The following RCL1 variants were observed in gnomAD, a reference collection of about 807,000 sequenced individuals.
RCL1 encodes the protein RNA 3'-terminal phosphate cyclase-like protein.
A neutral mutation model predicts 42.4 loss-of-function variants in RCL1; 24 were observed. That is an observed-to-expected ratio of 0.57 (90% CI 0.41 to 0.80). The LOEUF (loss-of-function observed/expected upper bound fraction) is 0.80, where lower values mean the gene tolerates loss of function less well. Among genes scored for constraint, RCL1 ranks in the 30% least tolerant of loss-of-function variants. RCL1 has a pLI of 0.00. For missense variants in RCL1, 578 were observed against 467.9 expected (o/e 1.24, Z -2.17); for synonymous variants, 228 against 177.3 (o/e 1.29, Z -2.27).
chr9:4,849,168 AT>A (rs34569485), intron 7 of RCL1, among the ~76,000 whole-genome samples: 83,107 of 143,088 alleles, frequency 0.58, 23,920 homozygotes, highest in East Asian at 0.79. Context: ...GGAAAGTTTC[AT>A]TTTTTTTTTT....
intron 1 of RCL1, among the ~76,000 whole-genome samples, chr9:4,822,026 C>G (rs1816612244): frequency 6.6e-6 from 1 of 152,184 alleles, no homozygotes; most frequent in African/African-American, 2.4e-5. Flanking sequence ...GAAAGAATAG[C>G]TAGTGGAAAG....
chr9:4,821,323 C>T (rs968544413), intron 1 of RCL1, among the ~76,000 whole-genome samples: 2 of 152,086 alleles, frequency 1.3e-5, no homozygotes, highest in African/African-American at 2.4e-5. Flanking sequence ...CTGGTTTTGC[C>T]ACTTTCTGGT....
chr9:4,835,016 T>C (rs929443288), intron 5 of RCL1, among the ~76,000 whole-genome samples: 1 of 152,152 alleles, frequency 6.6e-6, no homozygotes, highest in Non-Finnish European at 1.5e-5. Flanking sequence ...GATTGCAAAG[T>C]AGAGCAAGAA....
chr9:4,830,577 C>T (rs1191091319), intron 3 of RCL1, among the ~76,000 whole-genome samples: 8 of 152,164 alleles, frequency 5.3e-5, no homozygotes, highest in Admixed American at 2.6e-4. Flanking sequence ...TTTGTTGGTG[C>T]CAACAAGCTG....
intron 2 of RCL1, among the ~76,000 whole-genome samples, chr9:4,824,818 A>T (rs1374571884): frequency 6.6e-6 from 1 of 152,232 alleles, no homozygotes; most frequent in African/African-American, 2.4e-5. Context: ...GCCAGCTATG[A>T]GTCCCTTAAT....
intron 1 of RCL1, among the ~76,000 whole-genome samples, chr9:4,812,852 A>G (rs950795355): frequency 6.6e-6 from 1 of 151,704 alleles, no homozygotes; most frequent in African/African-American, 2.4e-5. Flanking sequence ...GCGATTGCTT[A>G]TTGATTTCTT....
chr9:4,859,988 A>C (rs1474735823), intron 8 of RCL1, 137 bp from the exon 9 acceptor site: 1 of 569,948 alleles, frequency 1.8e-6, no homozygotes, highest in African/African-American at 1.9e-5. Context: ...AGTACTATTT[A>C]ATCAGATTCG....
chr9:4,799,091 C>CCCTTCCTCT (rs1842958800), intron 1 of RCL1, among the ~76,000 whole-genome samples: 1 of 124,084 alleles, frequency 8.1e-6, no homozygotes, highest in Non-Finnish European at 1.6e-5. Flanking sequence ...TCCTTCCCTC[C>CCCTTCCTCT]CCTTCCTCTC....
intron 8 of RCL1, among the ~76,000 whole-genome samples, chr9:4,856,140 C>T (rs548397313): frequency 2.6e-5 from 4 of 152,148 alleles, no homozygotes; most frequent in East Asian, 1.9e-4. Flanking sequence ...TCCAGGTTGC[C>T]GCCAGCTGGA....
chr9:4,848,463 GT>G (rs1328537793), intron 7 of RCL1, among the ~76,000 whole-genome samples: 3 of 152,204 alleles, frequency 2.0e-5, no homozygotes, highest in African/African-American at 7.2e-5. Context: ...GGCAGGGGCA[GT>G]TGTAGCCATA....
chr9:4,822,962 A>G (rs562755935), intron 1 of RCL1, among the ~76,000 whole-genome samples: 5 of 152,222 alleles, frequency 3.3e-5, no homozygotes, highest in Non-Finnish European at 7.3e-5. Context: ...CTGTACATTC[A>G]AACACCCTTT....
chr9:4,841,364 A>G lies in RCL1; in HGVS notation c.710+7A>G, dbSNP rs779306150. 142 of 1,607,698 alleles carry G rather than the reference A, an allele frequency of 8.8e-5. No individual in the cohort carries two copies. The highest frequency in any genetic ancestry group is 1.2e-4 in the Non-Finnish European group (141 of 1,174,618). ...AAGGAGTCAACTCTGGGAAGTAAGT[A>G]TCTGTGTTTTTGAAGTCTGTTTCTG... On this transcript the variant is annotated splice_region_variant and intron_variant, in intron 6 of 8. Coordinates refer to ENST00000381750, the MANE Select transcript of RCL1 (RefSeq NM_005772.5).
At chr9:4,843,045 A>G (rs868823935) in intron 6 of RCL1, among the ~76,000 whole-genome samples, 5 of 152,204 alleles carry the variant, frequency 3.3e-5, no homozygotes, top group Non-Finnish European at 7.3e-5. Flanking sequence ...CATGATGTAG[A>G]CTGTGGGCCA....
At chr9:4,821,483 G>C (rs1339036057) in intron 1 of RCL1, among the ~76,000 whole-genome samples, 1 of 152,120 alleles carries the variant, frequency 6.6e-6, no homozygotes, top group Non-Finnish European at 1.5e-5. Flanking sequence ...GCACAGACTG[G>C]GTAATTTATA....
At chr9:4,855,071 A>G (rs1236700918) in intron 8 of RCL1, among the ~76,000 whole-genome samples, 1 of 151,034 alleles carries the variant, frequency 6.6e-6, no homozygotes, top group Non-Finnish European at 1.5e-5. Flanking sequence ...AAAAAAAAAA[A>G]AATAGGAAAA....
intron 3 of RCL1, 132 bp downstream of exon 3, chr9:4,827,165 A>T: frequency 6.4e-7 from 1 of 1,552,158 alleles, no homozygotes; most frequent in Non-Finnish European, 8.7e-7. Context: ...TTACTTTGAG[A>T]TTTAGAGGTT....
chr9:4,793,079 G>C lies in RCL1; in HGVS notation c.-13G>C, dbSNP rs7020617. 1.2e-6 allele frequency: 2 copies of C among 1,606,530 alleles called. No individual in the cohort carries two copies. Among genetic ancestry groups the C allele is most frequent in the African/African-American group, 2.7e-5 (2 of 74,146 alleles). ...GCTCTCGGGCTGCTCACGTCTCTTC[G>C]GAGAGCGCGCACATGGCGACTCAGG... On this transcript the variant is annotated 5_prime_UTR_variant, in exon 1 of 9. Transcript: ENST00000381750.
chr9:4,827,731 A>AGTGTGTGTGTGT (rs71326142), intron 3 of RCL1, among the ~76,000 whole-genome samples: 137 of 147,598 alleles, frequency 9.3e-4, no homozygotes, highest in South Asian at 1.7e-3. Context: ...TCTAGGATGA[A>AGTGTGTGTGTGT]GTGTGTGTGT....
At chr9:4,838,713 A>G (rs952504014) in intron 5 of RCL1, among the ~76,000 whole-genome samples, 1 of 152,152 alleles carries the variant, frequency 6.6e-6, no homozygotes, top group African/African-American at 2.4e-5. Context: ...GGTTTTCATA[A>G]ATGGGCTTTA....
Sources: allele counts gnomAD v4.1 joint callset (sites outside exome capture counted in the v4.1 genomes callset), GRCh38; gene constraint gnomAD v4.1.1; transcripts MANE v1.5; gene names NCBI Gene and HGNC (gene_info 2026-07-23, HGNC 2026-07-21).